The following MUC5AC variants were observed in gnomAD, a reference collection of about 807,000 sequenced individuals.
The protein encoded by MUC5AC is mucin-5AC.
A neutral mutation model predicts 169.7 loss-of-function variants in MUC5AC; 158 were observed. The ratio of observed to expected loss-of-function variants is 0.93; its 90% CI spans 0.82 to 1.06. MUC5AC has a LOEUF of 1.06. Ranked by LOEUF, MUC5AC falls within the 50% of genes least tolerant of loss-of-function variation. MUC5AC has a pLI of 0.00. For missense variants in MUC5AC, 4,359 were observed against 3,089.9 expected, an observed-to-expected ratio of 1.41 and a Z score of -9.74; for synonymous variants, 1,975 against 1,237.0, an observed-to-expected ratio of 1.60 and a Z score of -12.52.
chr11:1,165,429 A>C lies in MUC5AC; in HGVS notation c.1247+10A>C, dbSNP rs1564907538. 1 of 1,500,024 alleles carries C rather than the reference A, an allele frequency of 6.7e-7. No homozygotes were observed. Among genetic ancestry groups the C allele is most frequent in the Admixed American group, 2.1e-5 (1 of 47,948 alleles). The allele number at this position is 1,500,024 out of a possible 1,614,324, so 92.9% of individuals were successfully genotyped here. On this transcript the variant is annotated intron_variant, in intron 10 of 48. Coordinates refer to ENST00000621226, the MANE Select transcript of MUC5AC (RefSeq NM_001304359.2). Reference sequence around the variant, plus strand: ...CAGACTGCACCAACTGGTAGGTCCCAGCCCCCCTCCAGGCCACCAAGGATG... The same window carrying C: ...CAGACTGCACCAACTGGTAGGTCCCCGCCCCCCTCCAGGCCACCAAGGATG...
intron 16 of MUC5AC, among the ~76,000 whole-genome samples, chr11:1,174,015 C>CCACT (rs1353145901): frequency 5.9e-5 from 9 of 151,764 alleles, no homozygotes; most frequent in Non-Finnish European, 1.3e-4. Context: ...ACTCATTCAT[C>CCACT]CACTCATTCA....
intron 36 of MUC5AC, 44 bp downstream of exon 36, chr11:1,195,323 C>T: frequency 2.7e-6 from 2 of 745,244 alleles, no homozygotes; most frequent in Non-Finnish European, 5.0e-6. Flanking sequence ...GTGGCCGCCC[C>T]ACCTCCCACC....
At chr11:1,174,450 G>A in intron 16 of MUC5AC, 46 bp from the exon 17 acceptor site, 1 of 1,216,802 alleles carries the variant, frequency 8.2e-7, no homozygotes, top group Admixed American at 2.1e-5. Flanking sequence ...GGGCCACCAG[G>A]TGTGGGCTGG....
At position 1,182,334 on chromosome 11, in the gene MUC5AC, C is replaced by A. The variant is rs1035938787; in HGVS notation, c.4189C>A (p.Arg1397Ser). 19 of 398,568 alleles carry A rather than the reference C, an allele frequency of 4.8e-5. No individual in the cohort carries two copies. The highest frequency in any genetic ancestry group is 1.3e-4 in the South Asian group (1 of 7,858). 24.7% of individuals were successfully genotyped at this position (398,568 alleles called of 1,614,324 possible). The change falls in exon 31 of 49, where the codon CGC becomes AGC. Residue 1397 changes from arginine to serine, a missense_variant. Physicochemically the swap from Arg to Ser is moderately radical, Grantham distance 110. Coordinates refer to ENST00000621226, the MANE Select transcript of MUC5AC (RefSeq NM_001304359.2). ...CLWSPWMDVS[R>S]PGRGTDSGDF... Reference sequence around the variant, plus strand: ...GTGGTCGCCATGGATGGATGTCAGCCGCCCTGGACGGGGCACGGACAGCGG... The same window carrying A: ...GTGGTCGCCATGGATGGATGTCAGCAGCCCTGGACGGGGCACGGACAGCGG...
Position 1,185,582 on chromosome 11 carries a change from C to A in MUC5AC, c.7437C>A (p.Ala2479=). The change falls in exon 31 of 49, where the codon GCC becomes GCA. Residue 2479 remains alanine (A), a synonymous_variant. Transcript: ENST00000621226. ...CTCCTAAAAGCAGCACAACCTCTGC[C>A]GCTACAACCAGCACAACCTCTGGTC... ...TSAPKSSTTS[A]ATTSTTSGPE... The A allele has an allele frequency of 1.4e-6, 1 of 722,202 alleles. No homozygotes were observed. Among genetic ancestry groups the A allele is most frequent in the East Asian group, 2.6e-5 (1 of 38,882 alleles). The allele number at this position is 722,202 out of a possible 1,614,324, so 44.7% of individuals were successfully genotyped here.
Position 1,194,572 on chromosome 11 carries a change from C to A in MUC5AC, c.15092C>A (p.Thr5031Asn), listed in dbSNP as rs1169570360. The A allele has an allele frequency of 1.3e-6, 1 of 764,532 alleles. No homozygotes were observed. Among genetic ancestry groups the A allele is most frequent in the Non-Finnish European group, 2.4e-6 (1 of 417,628 alleles). The allele number at this position is 764,532 out of a possible 1,614,324, so 47.4% of individuals were successfully genotyped here. The change falls in exon 35 of 49, where the codon ACC becomes AAC. Residue 5031 changes from threonine to asparagine, a missense_variant. Thr to Asn is a moderately conservative substitution (Grantham distance 65, BLOSUM62 0). Coordinates refer to ENST00000621226, the MANE Select transcript of MUC5AC (RefSeq NM_001304359.2). ...VSRIGVKMYA[T>N]IPELGVQVMF... ...CGCATCGGCGTCAAGATGTACGCGA[C>A]CATCCCGGAGCTGGGAGTCCAGGTC... is the stretch of plus-strand genomic sequence containing the variant.
chr11:1,173,322 CACT>C (rs1297873469), intron 16 of MUC5AC, among the ~76,000 whole-genome samples: 25,560 of 151,054 alleles, frequency 0.17, 2,392 homozygotes, highest in Non-Finnish European at 0.2. Context: ...CTCACTCATC[CACT>C]CACTCACTCA....
intron 24 of MUC5AC, 33 bp downstream of exon 24, chr11:1,177,666 G>A (rs1240377769): frequency 6.0e-5 from 24 of 398,532 alleles, no homozygotes; most frequent in Non-Finnish European, 9.3e-5. Flanking sequence ...GGCCAGGGCC[G>A]GCTGGAAACC....
chr11:1,197,634 G>A lies in MUC5AC; in HGVS notation c.16028G>A (p.Ser5343Asn). 1 of 712,304 alleles carries A rather than the reference G, an allele frequency of 1.4e-6. No homozygotes were observed. The highest frequency in any genetic ancestry group is 2.6e-6 in the Non-Finnish European group (1 of 389,312). 44.1% of individuals were successfully genotyped at this position (712,304 alleles called of 1,614,324 possible). Residue 5343 changes from serine to asparagine, a missense_variant, in exon 41 of 49, where the codon AGC (serine) becomes AAC (asparagine). Ser to Asn is a conservative substitution (Grantham distance 46). Coordinates refer to ENST00000621226, the MANE Select transcript of MUC5AC (RefSeq NM_001304359.2). ...GCCGGCCAGTGCTGCCCCCAGTACA[G>A]CTGCGGTAAGCCCTTTGCTGGGTGA... ...PQAGQCCPQY[S>N]CACNTSRCPA...
chr11:1,188,880 A>G lies in MUC5AC; in HGVS notation c.10735A>G (p.Ile3579Val). 3 of 763,698 alleles carry G rather than the reference A, an allele frequency of 3.9e-6. No individual in the cohort carries two copies. Among genetic ancestry groups the G allele is most frequent in the Non-Finnish European group, 7.2e-6 (3 of 417,174 alleles). The allele number at this position is 763,698 out of a possible 1,614,324, so 47.3% of individuals were successfully genotyped here. A position where few individuals can be genotyped will look rare whatever the true frequency, so the allele number is the denominator to read the frequency against. ...AGCCAAGAGCCACCCGGAGGTGAGC[A>G]TCGAACACCTGGGCCAGGTGGTGCA... ...CRAKSHPEVS[I>V]EHLGQVVQCS... Residue 3579 changes from isoleucine to valine, a missense_variant, in exon 31 of 49, where the codon ATC becomes GTC. Transcript: ENST00000621226.
At chr11:1,172,374 G>A (rs1221963458) in intron 15 of MUC5AC, 55 bp from the exon 16 acceptor site, 4 of 398,562 alleles carry the variant, frequency 1.0e-5, no homozygotes, top group African/African-American at 2.1e-5. Flanking sequence ...CAAGCTGGGT[G>A]GGATGAGTGT....
chr11:1,172,316 C>T (rs879096339), intron 15 of MUC5AC, 113 bp from the exon 16 acceptor site: 60,345 of 398,072 alleles, frequency 0.15, 5,675 homozygotes, highest in Non-Finnish European at 0.2. Flanking sequence ...AAGGGCCCAA[C>T]ATCAGACTGC....
chr11:1,187,736 C>A lies in MUC5AC; in HGVS notation c.9591C>A (p.Ala3197=). The A allele has an allele frequency of 6.5e-6, 5 of 765,154 alleles. No individual in the cohort carries two copies. The South Asian group carries it at 6.7e-5, about 10-fold the overall frequency. The allele number at this position is 765,154 out of a possible 1,614,324, so 47.4% of individuals were successfully genotyped here. A position where few individuals can be genotyped will look rare whatever the true frequency, so the allele number is the denominator to read the frequency against. ...GCCCCGTTCCCACCACCAGCACAGC[C>A]TCTGTTTCAAAGACCAGCACAAGCC... ...TPSPVPTTST[A]SVSKTSTSHV... Residue 3197 remains alanine (A), a synonymous_variant, in exon 31 of 49, where the codon GCC becomes GCA. Coordinates refer to ENST00000621226, the MANE Select transcript of MUC5AC (RefSeq NM_001304359.2).
chr11:1,165,320 T>G lies in MUC5AC; in HGVS notation c.1148T>G (p.Ile383Ser), dbSNP rs961602908. 4.3e-6 allele frequency: 7 copies of G among 1,612,168 alleles called. No homozygotes were observed. The highest frequency in any genetic ancestry group is 5.9e-6 in the Non-Finnish European group (7 of 1,179,644). The change falls in exon 10 of 49, where the codon ATC becomes AGC. Residue 383 changes from isoleucine to serine, a missense_variant. Coordinates refer to ENST00000621226, the MANE Select transcript of MUC5AC (RefSeq NM_001304359.2). ...FCPEGTVLDDIGQTGCVPVSK... is the reference protein window; with the variant it reads ...FCPEGTVLDDSGQTGCVPVSK... ...CCTGCAGGGACGGTGCTTGACGACATCGGCCAGACCGGCTGTGTCCCTGTG... is the reference window on the plus strand; with the variant it reads ...CCTGCAGGGACGGTGCTTGACGACAGCGGCCAGACCGGCTGTGTCCCTGTG...
Position 1,192,016 on chromosome 11 carries a change from C to A in MUC5AC, c.13871C>A (p.Thr4624Asn), listed in dbSNP as rs752162633. The change falls in exon 31 of 49, where the codon ACC (threonine) becomes AAC (asparagine). Residue 4624 changes from threonine to asparagine, a missense_variant. Coordinates refer to ENST00000621226, the MANE Select transcript of MUC5AC (RefSeq NM_001304359.2). ...VSKTTHSQPV[T>N]SDCHPLCAWT... ...AAGACAACCCACTCCCAACCAGTCA[C>A]CAGTGACTGTCATCCTCTGTGCGCC... 2 of 765,142 alleles carry A rather than the reference C, an allele frequency of 2.6e-6. No individual in the cohort carries two copies. The highest frequency in any genetic ancestry group is 2.7e-5 in the South Asian group (2 of 74,624). 47.4% of individuals were successfully genotyped at this position (765,142 alleles called of 1,614,324 possible).
Position 1,169,033 on chromosome 11 carries a change from G to A in MUC5AC, c.1870+7G>A. 1 of 1,563,722 alleles carries A rather than the reference G, an allele frequency of 6.4e-7. No individual in the cohort carries two copies. The highest frequency in any genetic ancestry group is 1.4e-5 in the African/African-American group (1 of 73,592). On this transcript the variant is annotated splice_region_variant and intron_variant, in intron 15 of 48. Coordinates refer to ENST00000621226, the MANE Select transcript of MUC5AC (RefSeq NM_001304359.2). ...TCTCTGAGCGTGGAGAATGGTACGG[G>A]TGTCCACGGCTCGCCTCTGTGCTGG...
In MUC5AC at chr11:1,187,918, A is replaced by C. The variant is rs1860993963; in HGVS notation, c.9773A>C (p.Lys3258Thr). The C allele has an allele frequency of 1.3e-6, 1 of 757,320 alleles. No individual in the cohort carries two copies. Among genetic ancestry groups the C allele is most frequent in the South Asian group, 1.4e-5 (1 of 73,652 alleles). 46.9% of individuals were successfully genotyped at this position (757,320 alleles called of 1,614,324 possible). ...TYNNIIRSGE[K>T]ICRRPEEITR... ...AACAACATCATCAGGAGTGGGGAAAAAATCTGCCGCCGACCTGAGGAGATC... is the reference window on the plus strand; with the variant it reads ...AACAACATCATCAGGAGTGGGGAAACAATCTGCCGCCGACCTGAGGAGATC... The change falls in exon 31 of 49, where the codon AAA (lysine) becomes ACA (threonine). Residue 3258 changes from lysine (K) to threonine (T), a missense_variant. Transcript: ENST00000621226.
At position 1,192,799 on chromosome 11, in the gene MUC5AC, C is replaced by T; in HGVS notation, c.14397C>T (p.Arg4799=). 1 of 761,548 alleles carries T rather than the reference C, an allele frequency of 1.3e-6. No individual in the cohort carries two copies. Among genetic ancestry groups the T allele is most frequent in the Non-Finnish European group, 2.4e-6 (1 of 414,986 alleles). The allele number at this position is 761,548 out of a possible 1,614,324, so 47.2% of individuals were successfully genotyped here. The change falls in exon 32 of 49, where the codon CGC becomes CGT. Residue 4799 remains arginine (R), a synonymous_variant. Transcript: ENST00000621226. ...CTCTTACAGGATCCACCATATACCG[C>T]CACAGAGACCTCGCTGGCCATTGCT... ...RLYPAGSTIY[R]HRDLAGHCYY...
At position 1,163,061 on chromosome 11, in the gene MUC5AC, G is replaced by A. The variant is rs55794879; in HGVS notation, c.679+16G>A. 1,527 of 1,607,992 alleles carry A rather than the reference G, an allele frequency of 9.5e-4. 21 individuals carry two copies. In the African/African-American group the frequency reaches 0.018, roughly 19 times the overall value. On this transcript the variant is annotated intron_variant, in intron 6 of 48. Transcript: ENST00000621226. ...CTCTCCCACAGTAAGGCCCCACATC[G>A]CCCTCAGCCCCTTCCTCAGTGTCCC... is the stretch of plus-strand genomic sequence containing the variant.
Sources: allele counts gnomAD v4.1 joint callset (sites outside exome capture counted in the v4.1 genomes callset), GRCh38; gene constraint gnomAD v4.1.1; transcripts MANE v1.5; gene names NCBI Gene and HGNC (gene_info 2026-07-23, HGNC 2026-07-21).